Variants in CDH12 observed in about 807,000 individuals in gnomAD.
CDH12 encodes the protein cadherin 12, also known as cadherin-12.
Under a neutral mutation model 74.1 loss-of-function variants are expected in CDH12, and 41 were observed. That is an observed-to-expected ratio of 0.55 (90% CI 0.43 to 0.72). CDH12 has a LOEUF of 0.72. Ranked by LOEUF, CDH12 falls within the 30% of genes least tolerant of loss-of-function variation. CDH12 has a pLI of 0.00. For missense variants in CDH12, 945 were observed against 977.2 expected, an observed-to-expected ratio of 0.97 and a Z score of 0.44; for synonymous variants, 399 against 355.0, an observed-to-expected ratio of 1.12 and a Z score of -1.39.
intron 2 of CDH12, among the ~76,000 whole-genome samples, chr5:22,465,346 T>C (rs1296387647): frequency 6.6e-6 from 1 of 152,138 alleles, no homozygotes; most frequent in Non-Finnish European, 1.5e-5. Context: ...AGATGACTCA[T>C]AAAGATCCTA....
chr5:22,558,830 A>G (rs1226626616), intron 1 of CDH12, among the ~76,000 whole-genome samples: 2 of 152,102 alleles, frequency 1.3e-5, no homozygotes, highest in Non-Finnish European at 2.9e-5. Flanking sequence ...GGCAATGGAA[A>G]CAATGTGCTT....
At chr5:22,333,485 T>C (rs1390246244) in intron 3 of CDH12, among the ~76,000 whole-genome samples, 5 of 151,974 alleles carry the variant, frequency 3.3e-5, no homozygotes, top group East Asian at 1.9e-4. Context: ...AGTAAAATTG[T>C]TTAAAAAAGT....
chr5:22,748,133 A>T (rs1195073593), intron 1 of CDH12, among the ~76,000 whole-genome samples: 1 of 152,224 alleles, frequency 6.6e-6, no homozygotes, highest in Non-Finnish European at 1.5e-5. Context: ...AATATGTGTA[A>T]ATTGAAACAA....
intron 3 of CDH12, among the ~76,000 whole-genome samples, chr5:22,280,817 C>A (rs1283313100): frequency 1.3e-5 from 2 of 152,180 alleles, no homozygotes; most frequent in Admixed American, 1.3e-4. Context: ...GGTACCATTC[C>A]TTCTGAGACT....
At chr5:21,891,389 T>C (rs1358682468) in intron 6 of CDH12, among the ~76,000 whole-genome samples, 1 of 152,124 alleles carries the variant, frequency 6.6e-6, no homozygotes, top group African/African-American at 2.4e-5. Context: ...CTTAGAATTT[T>C]TGATCCAAAA....
intron 1 of CDH12, among the ~76,000 whole-genome samples, chr5:22,519,575 C>G (rs898829359): frequency 7.9e-5 from 12 of 151,956 alleles, no homozygotes; most frequent in African/African-American, 2.7e-4. Context: ...AGGCGCCCGT[C>G]ACCACACCCG....
chr5:22,844,530 G>A (rs1321335105), intron 1 of CDH12, among the ~76,000 whole-genome samples: 1 of 152,098 alleles, frequency 6.6e-6, no homozygotes, highest in Non-Finnish European at 1.5e-5. Flanking sequence ...AGGCACACTG[G>A]ATAGCTAACA....
Position 22,308,261 on chromosome 5 carries a change from C to T in CDH12, c.-332-95618G>A, listed in dbSNP as rs6891499. ...TCTAAATTACTATTCTAGAGTTAAA[C>T]AGGATGTATTATAATTTTAATGGGT... On this transcript the variant is annotated intron_variant, in intron 3 of 14. Transcript: ENST00000382254. Among the ~76,000 whole-genome samples, 612 of 152,188 alleles carry T rather than the reference C, an allele frequency of 4.0e-3. 2 individuals are homozygous for T. Among genetic ancestry groups the T allele is most frequent in the African/African-American group, 0.013 (559 of 41,502 alleles).
chr5:22,471,450 C>T (rs1382701574), intron 2 of CDH12, among the ~76,000 whole-genome samples: 1 of 152,142 alleles, frequency 6.6e-6, no homozygotes, highest in East Asian at 1.9e-4. Flanking sequence ...TCTACTGACT[C>T]ATTATTGTAA....
intron 9 of CDH12, among the ~76,000 whole-genome samples, chr5:21,804,644 ACACAC>A (rs1224629772): frequency 7.1e-5 from 4 of 56,428 alleles, no homozygotes; most frequent in Admixed American, 4.1e-4. Context: ...GTGAATTAAA[ACACAC>A]ACACACACAC....
intron 3 of CDH12, among the ~76,000 whole-genome samples, chr5:22,321,612 T>C (rs933582710): frequency 1.3e-5 from 2 of 150,390 alleles, no homozygotes; most frequent in Admixed American, 1.3e-4. Context: ...ACCTGCACAA[T>C]GTGCACATGT....
intron 2 of CDH12, among the ~76,000 whole-genome samples, chr5:22,425,704 A>G (rs1044911832): frequency 6.6e-6 from 1 of 151,854 alleles, no homozygotes; most frequent in African/African-American, 2.4e-5. Flanking sequence ...TATTACTTAT[A>G]TATAAAAATC....
At chr5:22,584,957 A>G (rs557650382) in intron 1 of CDH12, among the ~76,000 whole-genome samples, 174 of 152,342 alleles carry the variant, frequency 1.1e-3, no homozygotes, top group Non-Finnish European at 1.9e-3. Flanking sequence ...TACTACTAAA[A>G]AAAACCTTGT....
rs903923740 is a variant in CDH12, at chr5:21,750,861, C to A, written c.*876G>T. The stretch of plus-strand genomic sequence containing the variant: ...CTGTTAAAACCAATTTTCCACACAC[C>A]AGTACAATATTAAGCAAAACCAATA... On this transcript the variant is annotated 3_prime_UTR_variant, in exon 15 of 15. Coordinates refer to ENST00000382254, the MANE Select transcript of CDH12 (RefSeq NM_004061.5). 6.6e-6 allele frequency: 1 copy of A among 152,114 alleles called. No homozygotes were observed. The highest frequency in any genetic ancestry group is 2.4e-5 in the African/African-American group (1 of 41,526). 9.4% of individuals were successfully genotyped at this position (152,114 alleles called of 1,614,324 possible).
intron 3 of CDH12, among the ~76,000 whole-genome samples, chr5:22,265,076 A>G (rs1753659276): frequency 6.6e-6 from 1 of 152,184 alleles, no homozygotes. Flanking sequence ...CAGCCACCAG[A>G]TTTCAAGGAC....
At chr5:22,466,514 T>A (rs1561426022) in intron 2 of CDH12, among the ~76,000 whole-genome samples, 1 of 152,078 alleles carries the variant, frequency 6.6e-6, no homozygotes, top group Non-Finnish European at 1.5e-5. Flanking sequence ...TAAGAGTATG[T>A]GAGACTCTGC....
chr5:21,806,610 T>A (rs1293133524), intron 9 of CDH12, among the ~76,000 whole-genome samples: 1 of 152,212 alleles, frequency 6.6e-6, no homozygotes, highest in East Asian at 1.9e-4. Flanking sequence ...TGAAGGCACC[T>A]GTATATACAC....
intron 3 of CDH12, among the ~76,000 whole-genome samples, chr5:22,327,827 C>T (rs188977744): frequency 6.6e-6 from 1 of 152,174 alleles, no homozygotes; most frequent in East Asian, 1.9e-4. Flanking sequence ...ACAAAATTAC[C>T]TTGTCCTTTG....
chr5:22,365,859 G>A (rs1741007545), intron 3 of CDH12, among the ~76,000 whole-genome samples: 1 of 152,132 alleles, frequency 6.6e-6, no homozygotes, highest in African/African-American at 2.4e-5. Flanking sequence ...AAGAACAGAG[G>A]CAGAGGAGCA....
Sources: allele counts gnomAD v4.1 joint callset (sites outside exome capture counted in the v4.1 genomes callset), GRCh38; gene constraint gnomAD v4.1.1; transcripts MANE v1.5; gene names NCBI Gene and HGNC (gene_info 2026-07-23, HGNC 2026-07-21).